The following DNAJC1 variants were observed in gnomAD, a reference collection of about 807,000 sequenced individuals.
DNAJC1 encodes DnaJ heat shock protein family (Hsp40) member C1.
DNAJC1 carries 58 observed loss-of-function variants against 76.6 expected under a neutral mutation model. That is an observed-to-expected ratio of 0.76 (90% CI 0.61 to 0.94). DNAJC1 has a LOEUF of 0.94. Ranked by LOEUF, DNAJC1 falls within the 40% of genes least tolerant of loss-of-function variation. The probability of loss-of-function intolerance (pLI) is 0.00; values close to 1 mark genes in which losing one functional copy is unlikely to be tolerated. For synonymous variants in DNAJC1, 258 were observed against 267.9 expected, an observed-to-expected ratio of 0.96 and a Z score of 0.36; for missense variants, 689 against 677.3, an observed-to-expected ratio of 1.02 and a Z score of -0.19.
At chr10:21,860,283 C>T (rs559149403) in intron 8 of DNAJC1, among the ~76,000 whole-genome samples, 29 of 151,702 alleles carry the variant, frequency 1.9e-4, no homozygotes, top group Non-Finnish European at 4.0e-4. Context: ...ATGTTTTTTA[C>T]CACATATTCT....
intron 1 of DNAJC1, among the ~76,000 whole-genome samples, chr10:21,969,452 T>C (rs1837942851): frequency 6.6e-6 from 1 of 152,162 alleles, no homozygotes; most frequent in Admixed American, 6.5e-5. Context: ...AAATACTGCA[T>C]AGAGAAAGAC....
chr10:21,791,869 A>G (rs1834692831), intron 9 of DNAJC1, among the ~76,000 whole-genome samples: 1 of 152,154 alleles, frequency 6.6e-6, no homozygotes, highest in Non-Finnish European at 1.5e-5. Context: ...GGAATAATAG[A>G]GTTCAGAGTA....
chr10:21,834,440 G>T (rs549480354), intron 8 of DNAJC1, among the ~76,000 whole-genome samples: 1 of 152,280 alleles, frequency 6.6e-6, no homozygotes, highest in East Asian at 1.9e-4. Flanking sequence ...GAGGTACCGG[G>T]TTCATCTCAC....
intron 9 of DNAJC1, among the ~76,000 whole-genome samples, chr10:21,790,028 A>AAAAAAAAAAAAAAAAAAAAAAAAAG (rs1834663315): frequency 6.7e-6 from 1 of 150,226 alleles, no homozygotes; most frequent in Non-Finnish European, 1.5e-5. Flanking sequence ...AAAAAAAAAA[A>AAAAAAAAAAAAAAAAAAAAAAAAAG]AAAAAAAAAG....
intron 7 of DNAJC1, among the ~76,000 whole-genome samples, chr10:21,885,293 T>A (rs1836353014): frequency 6.6e-6 from 1 of 152,068 alleles, no homozygotes; most frequent in East Asian, 1.9e-4. Flanking sequence ...GACTTAACTA[T>A]CCTAAATATA....
At chr10:21,854,002 A>G (rs2131691848) in intron 8 of DNAJC1, among the ~76,000 whole-genome samples, 1 of 152,226 alleles carries the variant, frequency 6.6e-6, no homozygotes, top group South Asian at 2.1e-4. Flanking sequence ...GGATAAGAAC[A>G]TGTAATAGAC....
intron 7 of DNAJC1, among the ~76,000 whole-genome samples, chr10:21,897,852 T>C (rs943955017): frequency 6.6e-6 from 1 of 152,132 alleles, no homozygotes; most frequent in Non-Finnish European, 1.5e-5. Context: ...TTGTTGTACA[T>C]AGTACCAAAA....
chr10:21,867,601 C>T (rs1209326597), intron 8 of DNAJC1, among the ~76,000 whole-genome samples: 1 of 152,030 alleles, frequency 6.6e-6, no homozygotes, highest in Non-Finnish European at 1.5e-5. Flanking sequence ...CAGCTAGGGA[C>T]CGATAAGACC....
chr10:21,911,499 C>G (rs1460979825), intron 6 of DNAJC1, among the ~76,000 whole-genome samples: 1 of 151,994 alleles, frequency 6.6e-6, no homozygotes, highest in East Asian at 1.9e-4. Flanking sequence ...TATAATAAGA[C>G]TAAATCCACA....
At chr10:21,827,532 G>A (rs560158679) in intron 8 of DNAJC1, among the ~76,000 whole-genome samples, 3 of 152,292 alleles carry the variant, frequency 2.0e-5, no homozygotes, top group East Asian at 1.9e-4. Flanking sequence ...GGCTCTGAGG[G>A]AGAATCTGTT....
intron 1 of DNAJC1, among the ~76,000 whole-genome samples, chr10:21,980,651 T>C (rs1838140571): frequency 6.6e-6 from 1 of 152,146 alleles, no homozygotes; most frequent in Non-Finnish European, 1.5e-5. Flanking sequence ...GATAACACTG[T>C]AACAGTGTTA....
intron 8 of DNAJC1, among the ~76,000 whole-genome samples, chr10:21,837,162 C>T (rs1488862539): frequency 6.6e-6 from 1 of 152,260 alleles, no homozygotes; most frequent in African/African-American, 2.4e-5. Context: ...ATCTGCCAGC[C>T]TCGGCCTCCC....
rs11427152 is a variant in DNAJC1, at chr10:21,967,014, CTTT to C, written c.222+36196_222+36198del. 1.3e-4 allele frequency among the ~76,000 whole-genome samples: 18 copies of C among 138,758 alleles called. No individual in the cohort carries two copies. The East Asian group carries it at 1.6e-3, about 13-fold the overall frequency. The allele number at this position is 138,758 out of a possible 152,430, so 91.0% of individuals were successfully genotyped here. A position where few individuals can be genotyped will look rare whatever the true frequency, so the allele number is the denominator to read the frequency against. ...TGCCCACCTTTTTCTTCTTCTTCTT[CTTT>C]TTTTTTTTTTTTTACAGTATCTCTC... On this transcript the variant is annotated intron_variant, in intron 1 of 11. Transcript: ENST00000376980.
chr10:21,758,739 C>T (rs1160319742), intron 11 of DNAJC1, among the ~76,000 whole-genome samples: 2 of 152,244 alleles, frequency 1.3e-5, no homozygotes, highest in Non-Finnish European at 2.9e-5. Flanking sequence ...AGATTTGCTA[C>T]ACAGCCAATG....
chr10:21,837,694 G>T (rs1396577249), intron 8 of DNAJC1, among the ~76,000 whole-genome samples: 1 of 151,642 alleles, frequency 6.6e-6, no homozygotes, highest in Non-Finnish European at 1.5e-5. Flanking sequence ...CGTCTGGGAA[G>T]TGAGGAGCCC....
intron 1 of DNAJC1, among the ~76,000 whole-genome samples, chr10:21,961,588 G>GTTT (rs1410274376): frequency 6.6e-6 from 1 of 152,114 alleles, no homozygotes; most frequent in African/African-American, 2.4e-5. Context: ...AAGGGGAAAA[G>GTTT]GGTGGTTATT....
chr10:21,816,891 A>T, intron 8 of DNAJC1, among the ~76,000 whole-genome samples: 1 of 138,766 alleles, frequency 7.2e-6, no homozygotes, highest in Non-Finnish European at 1.6e-5. Flanking sequence ...GCGGTGGCTC[A>T]CGCCTGTAAC....
intron 1 of DNAJC1, among the ~76,000 whole-genome samples, chr10:21,981,047 T>C (rs535191422): frequency 1.3e-5 from 2 of 152,262 alleles, no homozygotes; most frequent in South Asian, 4.1e-4. Context: ...TCACTCTCTG[T>C]TTCTATGTTT....
intron 8 of DNAJC1, among the ~76,000 whole-genome samples, chr10:21,880,441 T>C (rs1470787565): frequency 6.6e-6 from 1 of 152,184 alleles, no homozygotes; most frequent in Non-Finnish European, 1.5e-5. Flanking sequence ...CCTACAGCCT[T>C]ATAAAATATA....
Sources: allele counts gnomAD v4.1 joint callset (sites outside exome capture counted in the v4.1 genomes callset), GRCh38; gene constraint gnomAD v4.1.1; transcripts MANE v1.5; gene names NCBI Gene and HGNC (gene_info 2026-07-23, HGNC 2026-07-21).